C3orf70: variants seen among roughly 807,000 people sequenced by gnomAD.
C3orf70 encodes the protein UPF0524 protein C3orf70.
Under a neutral mutation model 20.7 loss-of-function variants are expected in C3orf70, and 15 were observed. The ratio of observed to expected loss-of-function variants is 0.72; its 90% CI spans 0.48 to 1.11. The LOEUF is 1.11. Ranked by LOEUF, C3orf70 falls within the 50% of genes most tolerant of loss-of-function variation. The pLI, the probability that C3orf70 is intolerant of heterozygous loss-of-function variation, is 0.00. For missense variants in C3orf70, 332 were observed against 317.6 expected (o/e 1.05, Z -0.34); for synonymous variants, 161 against 125.7 (o/e 1.28, Z -1.88).
At chr3:185,123,059 T>A (rs185787165) in intron 1 of C3orf70, among the ~76,000 whole-genome samples, 90 of 150,292 alleles carry the variant, frequency 6.0e-4, no homozygotes, top group African/African-American at 2.1e-3. Flanking sequence ...ACACCTGTAG[T>A]CCCAACTACT....
At chr3:185,107,596 G>T (rs182238102) in intron 1 of C3orf70, among the ~76,000 whole-genome samples, 16 of 152,234 alleles carry the variant, frequency 1.1e-4, no homozygotes, top group African/African-American at 3.6e-4. Flanking sequence ...TAGAACAATG[G>T]CCACTAAGTA....
At chr3:185,116,781 ATTT>A (rs34415840) in intron 1 of C3orf70, among the ~76,000 whole-genome samples, 1 of 143,574 alleles carries the variant, frequency 7.0e-6, no homozygotes. Flanking sequence ...AACCCTCTAC[ATTT>A]TTTTTTTTTT....
At chr3:185,112,542 T>C (rs914723447) in intron 1 of C3orf70, among the ~76,000 whole-genome samples, 10 of 152,240 alleles carry the variant, frequency 6.6e-5, no homozygotes, top group African/African-American at 2.2e-4. Context: ...ACAAATCATA[T>C]CAGCATTCCT....
At chr3:185,122,679 G>A (rs1237789784) in intron 1 of C3orf70, among the ~76,000 whole-genome samples, 1 of 152,206 alleles carries the variant, frequency 6.6e-6, no homozygotes, top group East Asian at 1.9e-4. Context: ...TTTTAGGTAT[G>A]TCTATGAGGG....
At chr3:185,100,350 C>T (rs1470250356) in intron 1 of C3orf70, among the ~76,000 whole-genome samples, 3 of 152,130 alleles carry the variant, frequency 2.0e-5, no homozygotes, top group South Asian at 2.1e-4. Context: ...ACCACACTCT[C>T]GGACCACAGA....
At chr3:185,105,259 C>T (rs11928678) in intron 1 of C3orf70, among the ~76,000 whole-genome samples, 1 of 152,196 alleles carries the variant, frequency 6.6e-6, no homozygotes, top group Admixed American at 6.5e-5. Flanking sequence ...ACTGGCCATA[C>T]ACAAAATCTC....
In C3orf70 at chr3:185,083,556, G is replaced by A. The variant is rs1561324157; in HGVS notation, c.204C>T (p.Tyr68=). The A allele has an allele frequency of 3.2e-6, 5 of 1,581,920 alleles. No individual in the cohort carries two copies. Among genetic ancestry groups the A allele is most frequent in the African/African-American group, 1.4e-5 (1 of 73,936 alleles). ...CCACAGGGGTCATAGGCTGATACAT[G>A]TATTTGCCTGTGAAGACACAAAAAG... ...CCHLGWCHCK[Y]MYQPMTPVEQ... is the part of the protein sequence containing the mutation. Residue 68 remains tyrosine (Y), a synonymous_variant, in exon 2 of 2, where the codon TAC becomes TAT. Transcript: ENST00000335012.
chr3:185,135,927 AAAT>A (rs1181369539), intron 1 of C3orf70, among the ~76,000 whole-genome samples: 12 of 152,274 alleles, frequency 7.9e-5, no homozygotes, highest in Non-Finnish European at 1.3e-4. Flanking sequence ...AACAAGAAAA[AAAT>A]AAAATATAAA....
chr3:185,138,175 C>A (rs1276217299), intron 1 of C3orf70, among the ~76,000 whole-genome samples: 1 of 151,952 alleles, frequency 6.6e-6, no homozygotes, highest in East Asian at 1.9e-4. Flanking sequence ...TGAAAAAATG[C>A]CAATGATCTA....
At chr3:185,097,674 C>T (rs1163269466) in intron 1 of C3orf70, among the ~76,000 whole-genome samples, 1 of 152,178 alleles carries the variant, frequency 6.6e-6, no homozygotes, top group African/African-American at 2.4e-5. Flanking sequence ...CAGCTCTTTT[C>T]CCAGGAACCT....
intron 1 of C3orf70, among the ~76,000 whole-genome samples, chr3:185,117,501 C>G (rs184196110): frequency 2.3e-4 from 35 of 151,090 alleles, no homozygotes; most frequent in African/African-American, 8.3e-4. Flanking sequence ...TATGGCAGAA[C>G]TGAAGGAACA....
chr3:185,115,324 A>C (rs73885697), intron 1 of C3orf70, among the ~76,000 whole-genome samples: 7,905 of 152,272 alleles, frequency 0.052, 665 homozygotes, highest in African/African-American at 0.18. Flanking sequence ...ACACAATAAA[A>C]GTACACAAAC....
At position 185,087,028 on chromosome 3, in the gene C3orf70, C is replaced by T. The variant is rs536088471; in HGVS notation, c.197-3465G>A. Among the ~76,000 whole-genome samples, 12 of 152,146 alleles carry T rather than the reference C, an allele frequency of 7.9e-5. No homozygotes were observed. The South Asian group carries it at 8.3e-4, about 11-fold the overall frequency. On this transcript the variant is annotated intron_variant, in intron 1 of 1. Coordinates refer to ENST00000335012, the MANE Select transcript of C3orf70 (RefSeq NM_001025266.3). ...CCGAGAATCCATGTTCACATAGCTCCGAGGCACTGCAAGATCCTGAATTAT... is the reference window on the plus strand; with the variant it reads ...CCGAGAATCCATGTTCACATAGCTCTGAGGCACTGCAAGATCCTGAATTAT...
In C3orf70 at chr3:185,152,890, G is replaced by A. The variant is rs1264985702; in HGVS notation, c.-67C>T. The stretch of plus-strand genomic sequence containing the variant: ...GAAGCGACGTCTGGGTGGGCAGGAA[G>A]CCGAGCCGGCTGCGGACGCGGGAGG... On this transcript the variant is annotated 5_prime_UTR_variant, in exon 1 of 2. Coordinates refer to ENST00000335012, the MANE Select transcript of C3orf70 (RefSeq NM_001025266.3). 3 of 1,366,516 alleles carry A rather than the reference G, an allele frequency of 2.2e-6. No individual in the cohort carries two copies. Among genetic ancestry groups the A allele is most frequent in the Non-Finnish European group, 2.9e-6 (3 of 1,049,958 alleles). 84.6% of individuals were successfully genotyped at this position (1,366,516 alleles called of 1,614,324 possible).
chr3:185,088,002 C>T (rs761280839), intron 1 of C3orf70, among the ~76,000 whole-genome samples: 98 of 151,544 alleles, frequency 6.5e-4, no homozygotes, highest in Middle Eastern at 3.2e-3. Flanking sequence ...ACCTCCGCCT[C>T]CTGGGTTCAT....
At chr3:185,091,951 ATATATATATATATT>A (rs1715595029) in intron 1 of C3orf70, among the ~76,000 whole-genome samples, 35 of 9,468 alleles carry the variant, frequency 3.7e-3, no homozygotes, top group Non-Finnish European at 4.9e-3. Flanking sequence ...ATATATATAT[ATATATATATATATT>A]TTTTTTTTTT....
intron 1 of C3orf70, 136 bp from the exon 2 acceptor site, chr3:185,083,699 C>T (rs1411263628): frequency 1.4e-6 from 1 of 692,176 alleles, no homozygotes; most frequent in African/African-American, 1.8e-5. Context: ...TAAAATCATT[C>T]AACATTGGTA....
At chr3:185,113,285 C>CAAAAAAAAAAA (rs55966497) in intron 1 of C3orf70, among the ~76,000 whole-genome samples, 5,174 of 138,270 alleles carry the variant, frequency 0.037, 355 homozygotes, top group African/African-American at 0.13. Flanking sequence ...CTAAAAAATA[C>CAAAAAAAAAAA]AAAAAAGAAA....
intron 1 of C3orf70, among the ~76,000 whole-genome samples, chr3:185,128,286 T>C (rs771049849): frequency 6.6e-6 from 1 of 152,046 alleles, no homozygotes; most frequent in Non-Finnish European, 1.5e-5. Flanking sequence ...CCCAGCACTT[T>C]GGGAGGCGAG....
Sources: allele counts gnomAD v4.1 joint callset (sites outside exome capture counted in the v4.1 genomes callset), GRCh38; gene constraint gnomAD v4.1.1; transcripts MANE v1.5; gene names NCBI Gene and HGNC (gene_info 2026-07-23, HGNC 2026-07-21).